The following C8orf34 variants were observed in gnomAD, a reference collection of about 807,000 sequenced individuals.
C8orf34 encodes uncharacterized protein C8orf34.
Under a neutral mutation model 68.3 loss-of-function variants are expected in C8orf34, and 65 were observed. The ratio of observed to expected loss-of-function variants is 0.95; its 90% CI spans 0.78 to 1.17. The LOEUF is 1.17. Ranked by LOEUF, C8orf34 falls within the 50% of genes most tolerant of loss-of-function variation. C8orf34 has a pLI of 0.00. For missense variants in C8orf34, 664 were observed against 655.4 expected (o/e 1.01, Z -0.14); for synonymous variants, 244 against 241.2 (o/e 1.01, Z -0.11).
intron 4 of C8orf34, among the ~76,000 whole-genome samples, chr8:68,470,627 C>A (rs1812340469): frequency 6.6e-6 from 1 of 152,052 alleles, no homozygotes; most frequent in South Asian, 2.1e-4. Flanking sequence ...TTATTAACAA[C>A]AGAAATTTGT....
At chr8:68,790,679 A>G (rs1823969188) in intron 12 of C8orf34, 2 of 437,184 alleles carry the variant, frequency 4.6e-6, no homozygotes, top group Non-Finnish European at 8.1e-6. Context: ...TTCAAGTGTG[A>G]AAAAACTTGT....
intron 10 of C8orf34, among the ~76,000 whole-genome samples, chr8:68,747,253 C>G (rs1000818393): frequency 6.6e-6 from 1 of 151,288 alleles, no homozygotes; most frequent in Admixed American, 6.6e-5. Context: ...TAAGAGCTAT[C>G]TATGACAAAT....
chr8:68,392,155 G>A lies in C8orf34; in HGVS notation c.328-47344G>A, dbSNP rs917302101. On this transcript the variant is annotated intron_variant, in intron 1 of 13. Transcript: ENST00000518698. ...ATTTTGTTTCCCTGAGGTCAAAAAT[G>A]TTTTCTCTTATATATTCTTTTTATA... 1.0e-3 allele frequency among the ~76,000 whole-genome samples: 157 copies of A among 151,838 alleles called. 6 individuals are homozygous for A. The highest frequency in any genetic ancestry group is 6.2e-4 in the South Asian group (3 of 4,820).
intron 8 of C8orf34, among the ~76,000 whole-genome samples, chr8:68,644,458 G>A: frequency 6.6e-6 from 1 of 152,224 alleles, no homozygotes; most frequent in East Asian, 1.9e-4. Context: ...TGGAGAATCT[G>A]TCTTTAGGTG....
intron 10 of C8orf34, among the ~76,000 whole-genome samples, chr8:68,748,781 T>C (rs550974680): frequency 4.4e-4 from 67 of 152,334 alleles, no homozygotes; most frequent in African/African-American, 1.5e-3. Flanking sequence ...ACTTCTACAC[T>C]GTTGGTGGGA....
intron 10 of C8orf34, among the ~76,000 whole-genome samples, chr8:68,731,911 A>G (rs1230712724): frequency 6.6e-6 from 1 of 152,276 alleles, no homozygotes; most frequent in Non-Finnish European, 1.5e-5. Flanking sequence ...GATTGGTGAC[A>G]GAAATGCTGG....
chr8:68,800,501 T>C (rs936086521), intron 12 of C8orf34, among the ~76,000 whole-genome samples: 1 of 152,234 alleles, frequency 6.6e-6, no homozygotes, highest in Non-Finnish European at 1.5e-5. Context: ...TTACTGAGTA[T>C]AGTTATTAAT....
At chr8:68,395,073 C>T (rs1808636285) in intron 1 of C8orf34, among the ~76,000 whole-genome samples, 1 of 151,842 alleles carries the variant, frequency 6.6e-6, no homozygotes, top group Admixed American at 6.6e-5. Context: ...TGTCTCCATA[C>T]CAAGTCAAGT....
At chr8:68,599,218 G>A (rs1321654183) in intron 7 of C8orf34, among the ~76,000 whole-genome samples, 3 of 152,010 alleles carry the variant, frequency 2.0e-5, no homozygotes, top group African/African-American at 7.2e-5. Context: ...ATACGTTTCT[G>A]AGAGATATTA....
intron 7 of C8orf34, among the ~76,000 whole-genome samples, chr8:68,540,463 C>T (rs1175672296): frequency 6.6e-6 from 1 of 151,644 alleles, no homozygotes; most frequent in African/African-American, 2.4e-5. Flanking sequence ...GTTGGACTAG[C>T]GCTTTTTCAC....
intron 12 of C8orf34, among the ~76,000 whole-genome samples, chr8:68,788,627 A>G (rs112474558): frequency 0.11 from 16,201 of 152,168 alleles, 1,151 homozygotes; most frequent in East Asian, 0.36. Flanking sequence ...TTGGGAGGCC[A>G]AGGTGGGCAG....
At chr8:68,420,975 A>G (rs1229062877) in intron 1 of C8orf34, among the ~76,000 whole-genome samples, 2 of 152,142 alleles carry the variant, frequency 1.3e-5, no homozygotes, top group East Asian at 3.8e-4. Context: ...GAAAGCAAAG[A>G]GAAAGGAGCA....
At chr8:68,682,370 AT>A (rs1269233689) in intron 8 of C8orf34, among the ~76,000 whole-genome samples, 5 of 152,178 alleles carry the variant, frequency 3.3e-5, no homozygotes, top group East Asian at 1.9e-4. Flanking sequence ...TTAAAAAGAT[AT>A]TTTTTTAAGG....
intron 7 of C8orf34, among the ~76,000 whole-genome samples, chr8:68,624,271 CA>C (rs35851704): frequency 0.019 from 1,524 of 81,054 alleles, 14 homozygotes; most frequent in African/African-American, 0.052. Flanking sequence ...GGCTCTGTCT[CA>C]AAAAAAAAAA....
chr8:68,801,923 T>A (rs1366830443), intron 12 of C8orf34, among the ~76,000 whole-genome samples: 1 of 151,840 alleles, frequency 6.6e-6, no homozygotes, highest in Non-Finnish European at 1.5e-5. Flanking sequence ...CTCATGTGCA[T>A]TCTCTCTCAC....
chr8:68,623,464 C>T (rs1818446330), intron 7 of C8orf34, among the ~76,000 whole-genome samples: 1 of 152,038 alleles, frequency 6.6e-6, no homozygotes, highest in Non-Finnish European at 1.5e-5. Flanking sequence ...CCCAATGTTC[C>T]CTTGTTTTAA....
intron 1 of C8orf34, among the ~76,000 whole-genome samples, chr8:68,399,582 T>C (rs998786259): frequency 6.6e-6 from 1 of 152,146 alleles, no homozygotes; most frequent in Non-Finnish European, 1.5e-5. Context: ...GAGGTTGATT[T>C]TATATTTTTG....
Position 68,446,386 on chromosome 8 carries a change from C to T in C8orf34, c.533C>T (p.Ala178Val). The change falls in exon 3 of 14, where the codon GCA (alanine) becomes GTA (valine). Residue 178 changes from alanine to valine, a missense_variant. Transcript: ENST00000518698. ...TATGATAAACCTTGGCAATTAAATG[C>T]AAAGAAGCCTAAAAAATCAAAAAGT... The part of the protein sequence containing the change: ...RSYDKPWQLN[A>V]KKPKKSKSDL... 6.2e-7 allele frequency: 1 copy of T among 1,612,212 alleles called. No homozygotes were observed. Among genetic ancestry groups the T allele is most frequent in the Non-Finnish European group, 8.5e-7 (1 of 1,179,186 alleles).
At chr8:68,457,713 G>A (rs1053908287) in intron 3 of C8orf34, among the ~76,000 whole-genome samples, 5 of 152,096 alleles carry the variant, frequency 3.3e-5, no homozygotes, top group African/African-American at 1.2e-4. Flanking sequence ...CTATTTGCAA[G>A]GTGCTGTGGG....
Sources: allele counts gnomAD v4.1 joint callset (sites outside exome capture counted in the v4.1 genomes callset), GRCh38; gene constraint gnomAD v4.1.1; transcripts MANE v1.5; gene names NCBI Gene and HGNC (gene_info 2026-07-23, HGNC 2026-07-21).